DPP4: variants seen among roughly 807,000 people sequenced by gnomAD.
DPP4 encodes dipeptidyl peptidase 4.
Under a neutral mutation model 122.4 loss-of-function variants are expected in DPP4, and 93 were observed. The observed-to-expected ratio is 0.76, with a 90% CI of 0.64 to 0.90. The LOEUF is 0.90. DPP4 is among the 40% of genes least tolerant of loss of function. The pLI is 0.00. For missense variants in DPP4, 914 were observed against 907.3 expected, an observed-to-expected ratio of 1.01 and a Z score of -0.09; for synonymous variants, 321 against 302.9, an observed-to-expected ratio of 1.06 and a Z score of -0.62.
intron 4 of DPP4, chr2:162,046,568 G>A (rs570112256): frequency 3.4e-5 from 13 of 383,078 alleles, no homozygotes; most frequent in South Asian, 1.0e-4. Flanking sequence ...GAAGGTTAGC[G>A]TTAAGTGTGT....
At chr2:162,072,878 C>T (rs747409009) in intron 2 of DPP4, among the ~76,000 whole-genome samples, 4 of 152,162 alleles carry the variant, frequency 2.6e-5, no homozygotes, top group Non-Finnish European at 4.4e-5. Flanking sequence ...TGCCTCCCCA[C>T]CCTCCAACTG....
chr2:162,049,862 C>T (rs983943541), intron 2 of DPP4, among the ~76,000 whole-genome samples: 3 of 152,060 alleles, frequency 2.0e-5, no homozygotes, highest in Non-Finnish European at 4.4e-5. Flanking sequence ...AATAAAAATG[C>T]CACATTTCAC....
chr2:162,034,642 C>T (rs1683700277), intron 9 of DPP4, among the ~76,000 whole-genome samples: 1 of 152,126 alleles, frequency 6.6e-6, no homozygotes, highest in Non-Finnish European at 1.5e-5. Context: ...AACACGCAAC[C>T]CTGACGAGGA....
Position 162,020,251 on chromosome 2 carries a change from C to T in DPP4, c.1222G>A (p.Glu408Lys), listed in dbSNP as rs1257178608. Residue 408 changes from glutamate (E) to lysine (K), a missense_variant, in exon 14 of 26, where the codon GAA (glutamate) becomes AAA (lysine). Glu to Lys is a moderately conservative substitution (Grantham distance 56). Transcript: ENST00000360534. ...TKGTWEVIGIEALTSDYLYYI... is the reference protein window; with the variant it reads ...TKGTWEVIGIKALTSDYLYYI... ...CACAGATAATCACTGGTTAGAGCTT[C>T]TATCCCGATGACTTCCCAGGTGCCT... is the stretch of plus-strand genomic sequence containing the variant. 1 of 1,608,828 alleles carries T rather than the reference C, an allele frequency of 6.2e-7. No individual in the cohort carries two copies. The highest frequency in any genetic ancestry group is 1.4e-5 in the African/African-American group (1 of 73,414).
intron 5 of DPP4, among the ~76,000 whole-genome samples, chr2:162,039,899 G>C (rs1436859185): frequency 1.3e-5 from 2 of 151,944 alleles, no homozygotes; most frequent in Middle Eastern, 3.4e-3. Flanking sequence ...GAAAAGACTA[G>C]TAAAATTGCA....
At chr2:162,049,471 C>T (rs1384306849) in intron 2 of DPP4, among the ~76,000 whole-genome samples, 1 of 141,878 alleles carries the variant, frequency 7.0e-6, no homozygotes, top group Non-Finnish European at 1.5e-5. Flanking sequence ...ACACTGAGGC[C>T]TGTTGGGGGT....
intron 2 of DPP4, among the ~76,000 whole-genome samples, chr2:162,063,766 T>A (rs1684861921): frequency 6.6e-6 from 1 of 152,064 alleles, no homozygotes; most frequent in Non-Finnish European, 1.5e-5. Context: ...AGAAACTCTT[T>A]AAGAAGTTTT....
intron 2 of DPP4, among the ~76,000 whole-genome samples, chr2:162,068,427 G>A (rs1196698112): frequency 6.6e-6 from 1 of 152,180 alleles, no homozygotes; most frequent in African/African-American, 2.4e-5. Context: ...CTTTGAGCAA[G>A]TTCCTTAACT....
chr2:161,999,640 T>C (rs1701095450), intron 23 of DPP4, among the ~76,000 whole-genome samples: 1 of 152,212 alleles, frequency 6.6e-6, no homozygotes. Context: ...TAGCTGCTCG[T>C]TGGATCATGC....
intron 2 of DPP4, among the ~76,000 whole-genome samples, chr2:162,048,806 C>G (rs1283346419): frequency 6.6e-6 from 1 of 152,190 alleles, no homozygotes; most frequent in African/African-American, 2.4e-5. Flanking sequence ...TCTGCCTACC[C>G]ATGTGGTGTC....
At chr2:162,070,103 T>C (rs1432575621) in intron 2 of DPP4, among the ~76,000 whole-genome samples, 2 of 152,218 alleles carry the variant, frequency 1.3e-5, no homozygotes, top group African/African-American at 4.8e-5. Context: ...ACAAGTATTT[T>C]TACGTATTTC....
intron 10 of DPP4, chr2:162,032,001 C>T (rs1014844865): frequency 9.9e-5 from 15 of 152,268 alleles, no homozygotes; most frequent in African/African-American, 3.6e-4. Context: ...TGGGTTACTA[C>T]AGACATTTCT....
At chr2:161,999,109 T>A (rs960889287) in intron 23 of DPP4, among the ~76,000 whole-genome samples, 12 of 152,088 alleles carry the variant, frequency 7.9e-5, no homozygotes, top group Non-Finnish European at 1.3e-4. Flanking sequence ...AACATTTTTT[T>A]CCCCAGAAAA....
chr2:162,038,564 T>C (rs2106123896), intron 7 of DPP4, 142 bp from the exon 8 acceptor site: 1 of 869,650 alleles, frequency 1.1e-6, no homozygotes, highest in East Asian at 2.7e-5. Flanking sequence ...CATTTACTCC[T>C]TCCCTCTCAT....
At chr2:162,007,439 G>T (rs1450085637) in intron 22 of DPP4, among the ~76,000 whole-genome samples, 2 of 151,792 alleles carry the variant, frequency 1.3e-5, no homozygotes, top group African/African-American at 4.8e-5. Context: ...TAATACAATT[G>T]TAAACTTTTA....
intron 2 of DPP4, among the ~76,000 whole-genome samples, chr2:162,071,448 C>A (rs1299490539): frequency 6.6e-6 from 1 of 152,094 alleles, no homozygotes; most frequent in Non-Finnish European, 1.5e-5. Context: ...TAAAGACCAT[C>A]CTGGCCAACA....
At chr2:162,007,507 A>G (rs1021318819) in intron 22 of DPP4, among the ~76,000 whole-genome samples, 4 of 152,136 alleles carry the variant, frequency 2.6e-5, no homozygotes, top group Admixed American at 6.5e-5. Context: ...TTTGAATAAA[A>G]TTGTTTAAAT....
chr2:162,038,663 C>T (rs1203951689), intron 7 of DPP4, among the ~76,000 whole-genome samples: 2 of 152,070 alleles, frequency 1.3e-5, no homozygotes, highest in African/African-American at 2.4e-5. Flanking sequence ...ATAACTACCA[C>T]TATTTGAATG....
chr2:162,057,764 A>C (rs1426412514), intron 2 of DPP4, among the ~76,000 whole-genome samples: 2 of 152,038 alleles, frequency 1.3e-5, no homozygotes, highest in Non-Finnish European at 2.9e-5. Context: ...CTCTCTGCTG[A>C]AATATCTAGT....
Sources: allele counts gnomAD v4.1 joint callset (sites outside exome capture counted in the v4.1 genomes callset), GRCh38; gene constraint gnomAD v4.1.1; transcripts MANE v1.5; gene names NCBI Gene and HGNC (gene_info 2026-07-23, HGNC 2026-07-21).